Variants in DISC1 observed in about 807,000 individuals in gnomAD.
DISC1 encodes disrupted in schizophrenia 1 protein.
In DISC1, 57 loss-of-function variants were observed where a neutral mutation model predicts 84.5. That is an observed-to-expected ratio of 0.67 (90% CI 0.55 to 0.84). The LOEUF is 0.84. Among genes scored for constraint, DISC1 ranks in the 40% least tolerant of loss-of-function variants. The pLI, the probability that DISC1 is intolerant of heterozygous loss-of-function variation, is 0.00. For synonymous variants in DISC1, 411 were observed against 415.2 expected, an observed-to-expected ratio of 0.99 and a Z score of 0.12; for missense variants, 1,000 against 1,057.8, an observed-to-expected ratio of 0.95 and a Z score of 0.76.
At chr1:231,940,876 T>C (rs765577399) in intron 9 of DISC1, 1 of 152,274 alleles carries the variant, frequency 6.6e-6, no homozygotes, top group Non-Finnish European at 1.5e-5. Context: ...TGTGGCCAGC[T>C]TGCGGGTGCA....
intron 9 of DISC1, among the ~76,000 whole-genome samples, chr1:231,825,205 C>T (rs567314776): frequency 1.3e-5 from 2 of 152,298 alleles, no homozygotes; most frequent in Non-Finnish European, 2.9e-5. Flanking sequence ...TGTTTCTATA[C>T]TCCCTTAAAA....
chr1:231,945,942 C>A (rs955382515), intron 9 of DISC1, among the ~76,000 whole-genome samples: 1 of 152,138 alleles, frequency 6.6e-6, no homozygotes, highest in Admixed American at 6.5e-5. Context: ...AAACTAATAA[C>A]AAGTTATGAA....
intron 6 of DISC1, among the ~76,000 whole-genome samples, chr1:231,783,241 C>T (rs1417930118): frequency 1.3e-5 from 2 of 152,016 alleles, no homozygotes; most frequent in East Asian, 1.9e-4. Flanking sequence ...TTAAATACAT[C>T]GTGGTTATGA....
At chr1:231,634,837 G>C (rs553819133) in intron 1 of DISC1, among the ~76,000 whole-genome samples, 2 of 152,076 alleles carry the variant, frequency 1.3e-5, no homozygotes, top group Admixed American at 6.6e-5. Context: ...CTTGAGGCCA[G>C]GAGTTCAAGG....
At chr1:232,000,835 G>A (rs1182573303) in intron 10 of DISC1, among the ~76,000 whole-genome samples, 1 of 152,096 alleles carries the variant, frequency 6.6e-6, no homozygotes, top group Non-Finnish European at 1.5e-5. Context: ...CCTACATCCA[G>A]CAAAATTATC....
intron 2 of DISC1, 57 bp downstream of exon 2, chr1:231,694,862 G>T: frequency 6.3e-7 from 1 of 1,592,516 alleles, no homozygotes; most frequent in South Asian, 1.1e-5. Context: ...GATTAGCACT[G>T]GGCAGACGGC....
intron 1 of DISC1, among the ~76,000 whole-genome samples, chr1:231,669,834 A>G (rs969956157): frequency 6.6e-6 from 1 of 152,156 alleles, no homozygotes; most frequent in African/African-American, 2.4e-5. Flanking sequence ...AGACCTAAAG[A>G]CAGGAATATC....
intron 8 of DISC1, among the ~76,000 whole-genome samples, chr1:231,810,176 C>T (rs894757145): frequency 1.3e-5 from 2 of 152,178 alleles, no homozygotes; most frequent in African/African-American, 2.4e-5. Context: ...GGTCACTGCA[C>T]TGATTCAGAA....
rs1291673004 is a variant in DISC1 at position 231,910,276 on chromosome 1, A to G, written c.1982-48552A>G. 1.5e-4 allele frequency among the ~76,000 whole-genome samples: 23 copies of G among 152,214 alleles called. No individual in the cohort carries two copies. The East Asian group carries it at 3.9e-3, about 26-fold the overall frequency. On this transcript the variant is annotated intron_variant, in intron 9 of 12. Coordinates refer to ENST00000439617, the MANE Select transcript of DISC1 (RefSeq NM_018662.3). ...TTTTAATTGTGATGTTACGGTGTCA[A>G]TTTTAGAGCTTTCCTGCTTTCTCTT...
At chr1:231,800,358 G>A (rs929620857) in intron 8 of DISC1, 148 bp downstream of exon 8, 3 of 722,528 alleles carry the variant, frequency 4.2e-6, no homozygotes, top group African/African-American at 3.5e-5. Flanking sequence ...TCACTAATAT[G>A]CACATAATAT....
At chr1:231,895,848 C>T (rs2087644155) in intron 9 of DISC1, among the ~76,000 whole-genome samples, 1 of 152,188 alleles carries the variant, frequency 6.6e-6, no homozygotes, top group Non-Finnish European at 1.5e-5. Context: ...CCCTCTCATC[C>T]TTGTCTTACA....
At chr1:231,684,800 T>C (rs569096000) in intron 1 of DISC1, 7 of 152,294 alleles carry the variant, frequency 4.6e-5, no homozygotes, top group South Asian at 2.1e-4. Context: ...GAAGTAGCGT[T>C]TGTGGGAATG....
chr1:231,946,777 T>C (rs1657307509), intron 9 of DISC1, among the ~76,000 whole-genome samples: 1 of 152,106 alleles, frequency 6.6e-6, no homozygotes, highest in African/African-American at 2.4e-5. Context: ...CTGTTATCAA[T>C]GTGCAAAAAT....
intron 9 of DISC1, among the ~76,000 whole-genome samples, chr1:231,912,114 C>T (rs577614920): frequency 1.3e-5 from 2 of 152,236 alleles, no homozygotes. Context: ...GCAATGGGTT[C>T]GAACATCCTC....
At chr1:231,766,741 ATAT>A (rs1159231056) in intron 4 of DISC1, among the ~76,000 whole-genome samples, 3 of 152,232 alleles carry the variant, frequency 2.0e-5, no homozygotes, top group Non-Finnish European at 4.4e-5. Context: ...TATATCCAAA[ATAT>A]TATCTCAACA....
intron 1 of DISC1, among the ~76,000 whole-genome samples, chr1:231,683,233 T>A (rs1056939753): frequency 2.6e-5 from 4 of 152,136 alleles, no homozygotes; most frequent in African/African-American, 9.7e-5. Flanking sequence ...TATGATGCAT[T>A]TGAATCCCAA....
intron 1 of DISC1, among the ~76,000 whole-genome samples, chr1:231,660,080 C>T: frequency 6.6e-6 from 1 of 152,124 alleles, no homozygotes; most frequent in East Asian, 1.9e-4. Flanking sequence ...GTTAAAGTCT[C>T]CCACTATTAT....
intron 12 of DISC1, among the ~76,000 whole-genome samples, chr1:232,027,813 G>T (rs1161540119): frequency 6.6e-6 from 1 of 151,888 alleles, no homozygotes; most frequent in Non-Finnish European, 1.5e-5. Flanking sequence ...GTGTGTGTGT[G>T]TGTGTGTGTG....
chr1:231,660,087 T>C (rs1435213342), intron 1 of DISC1, among the ~76,000 whole-genome samples: 1 of 152,202 alleles, frequency 6.6e-6, no homozygotes, highest in Non-Finnish European at 1.5e-5. Flanking sequence ...TCTCCCACTA[T>C]TATTGTGTGG....
Sources: allele counts gnomAD v4.1 joint callset (sites outside exome capture counted in the v4.1 genomes callset), GRCh38; gene constraint gnomAD v4.1.1; transcripts MANE v1.5; gene names NCBI Gene and HGNC (gene_info 2026-07-23, HGNC 2026-07-21).